Variants in MTFR1L observed in about 807,000 individuals in gnomAD.
The protein encoded by MTFR1L is mitochondrial fission regulator 1 like, also known as mitochondrial fission regulator 1-like.
In MTFR1L, 10 loss-of-function variants were observed where a neutral mutation model predicts 27.9. The observed-to-expected ratio is 0.36, with a 90% CI of 0.22 to 0.61. The LOEUF (loss-of-function observed/expected upper bound fraction) is 0.61, where lower values mean the gene tolerates loss of function less well. Among genes scored for constraint, MTFR1L ranks in the 20% least tolerant of loss-of-function variants. The pLI is 0.73. For missense variants in MTFR1L, 315 were observed against 363.7 expected (o/e 0.87, Z 1.09); for synonymous variants, 151 against 139.4 (o/e 1.08, Z -0.58).
intron 1 of MTFR1L, chr1:25,820,502 C>G (rs758313390): frequency 1.4e-4 from 51 of 359,496 alleles, no homozygotes; most frequent in South Asian, 1.1e-3. Flanking sequence ...GCCACTGCTG[C>G]GCGCGGCAAA....
Position 25,826,165 on chromosome 1 carries a change from A to C in MTFR1L, c.130-137A>C. ...TGGCCTCTGTTCAATGTTTTCGACC[A>C]GGAACCTTCTTCTGCCCCCTCTAGG... On this transcript the variant is annotated intron_variant, in intron 3 of 6. Coordinates refer to ENST00000374303, the MANE Select transcript of MTFR1L (RefSeq NM_001099625.2). The surrounding 1 kb of genome is among the most constrained non-coding windows in gnomAD (Gnocchi z 4.1). The C allele has an allele frequency of 1.5e-6, 1 of 667,412 alleles. No individual in the cohort carries two copies. Among genetic ancestry groups the C allele is most frequent in the South Asian group, 1.9e-5 (1 of 54,000 alleles). The allele number at this position is 667,412 out of a possible 1,614,324, so 41.3% of individuals were successfully genotyped here.
chr1:25,823,513 A>C, intron 2 of MTFR1L, 131 bp from the exon 3 acceptor site: 5 of 1,419,458 alleles, frequency 3.5e-6, no homozygotes, highest in Non-Finnish European at 4.9e-6. Context: ...TTGAGAGTTG[A>C]CTTGCCCCTA....
rs1157778828 is a variant in MTFR1L, at chr1:25,829,495, G to C, written c.452-14G>C. 2 of 1,609,736 alleles carry C rather than the reference G, an allele frequency of 1.2e-6. No individual in the cohort carries two copies. The highest frequency in any genetic ancestry group is 1.7e-6 in the Non-Finnish European group (2 of 1,177,400). ...GCCCCAATGTCCACCCATGCCTATT[G>C]TTTTCTCTTTCAGCTTCGGCTTCAT... On this transcript the variant is annotated splice_polypyrimidine_tract_variant and intron_variant, in intron 5 of 6. Coordinates refer to ENST00000374303, the MANE Select transcript of MTFR1L (RefSeq NM_001099625.2).
chr1:25,831,945 A>AGACCCG lies in MTFR1L; in HGVS notation c.803_804insGGACCC (p.Asp267_Pro268dup). On this transcript the variant is annotated inframe_insertion, in exon 7 of 7. Coordinates refer to ENST00000374303, the MANE Select transcript of MTFR1L (RefSeq NM_001099625.2). ...GGAACCGGAGTTTATTGAAGGAGGA[A>AGACCCG]GACCCTGCTGTGCTTATCTCTGAGG... 2 of 1,614,212 alleles carry AGACCCG rather than the reference A, an allele frequency of 1.2e-6. No homozygotes were observed. The highest frequency in any genetic ancestry group is 1.7e-6 in the Non-Finnish European group (2 of 1,180,022).
chr1:25,828,362 C>T (rs994608377), intron 5 of MTFR1L, among the ~76,000 whole-genome samples: 2 of 152,202 alleles, frequency 1.3e-5, no homozygotes, highest in Non-Finnish European at 2.9e-5. Context: ...GTGGGTGGAT[C>T]ACCTGAGGTC....
rs779528337 is a variant in MTFR1L, at chr1:25,823,041, C to T, written c.-64C>T. 9.9e-6 allele frequency: 16 copies of T among 1,613,874 alleles called. No individual in the cohort carries two copies. The highest frequency in any genetic ancestry group is 9.9e-5 in the South Asian group (9 of 91,078). On this transcript the variant is annotated 5_prime_UTR_variant, in exon 2 of 7. It adds an upstream start codon to the 5' untranslated region. Transcript: ENST00000374303. ...CAGATGGCCTGATATGAAGGAGTCACGCCTCCCGCCTCCCGGAGCTGCCCA... is the reference window on the plus strand; with the variant it reads ...CAGATGGCCTGATATGAAGGAGTCATGCCTCCCGCCTCCCGGAGCTGCCCA...
In MTFR1L at chr1:25,832,659, A is replaced by G. The variant is rs2048261739; in HGVS notation, c.*633A>G. 6.2e-6 allele frequency: 1 copy of G among 161,466 alleles called. No individual in the cohort carries two copies. The highest frequency in any genetic ancestry group is 1.7e-4 in the East Asian group (1 of 5,742). 10.0% of individuals were successfully genotyped at this position (161,466 alleles called of 1,614,324 possible). A position where few individuals can be genotyped will look rare whatever the true frequency, so the allele number is the denominator to read the frequency against. ...CACATTTTATATTACTGAACAACCA[A>G]ATCTACCCTCCACGGCCCTGAGGCC... On this transcript the variant is annotated 3_prime_UTR_variant, in exon 7 of 7. Transcript: ENST00000374303.
intron 6 of MTFR1L, among the ~76,000 whole-genome samples, 191 bp downstream of exon 6, chr1:25,830,021 G>C (rs988717656): frequency 1.3e-5 from 2 of 152,024 alleles, no homozygotes; most frequent in Non-Finnish European, 2.9e-5. Context: ...ACATTTATTG[G>C]GTTTGGTCAC....
intron 5 of MTFR1L, among the ~76,000 whole-genome samples, chr1:25,827,425 C>T (rs1209653619): frequency 1.3e-5 from 2 of 151,924 alleles, no homozygotes; most frequent in East Asian, 1.9e-4. Flanking sequence ...TGTGAGCCAC[C>T]GAGCCCAGCC....
intron 3 of MTFR1L, among the ~76,000 whole-genome samples, chr1:25,825,190 G>C (rs2048152006): frequency 6.6e-6 from 1 of 152,022 alleles, no homozygotes; most frequent in African/African-American, 2.4e-5. Flanking sequence ...ATCAATCCTG[G>C]ATCCATCTAC....
At position 25,823,068 on chromosome 1, in the gene MTFR1L, TG is replaced by T. The variant is rs1441722544; in HGVS notation, c.-35del. ...CCTCCCGCCTCCCGGAGCTGCCCAG[TG>T]GCTGCCTTGTCCTTCAAGTGCAGGA... On this transcript the variant is annotated 5_prime_UTR_variant, in exon 2 of 7. Coordinates refer to ENST00000374303, the MANE Select transcript of MTFR1L (RefSeq NM_001099625.2). The T allele has an allele frequency of 6.2e-7, 1 of 1,614,080 alleles. No homozygotes were observed. The highest frequency in any genetic ancestry group is 2.2e-5 in the East Asian group (1 of 44,888).
rs1466228624 is a variant in MTFR1L at position 25,826,733 on chromosome 1, C to G, written c.358C>G (p.Pro120Ala). ...GGAGAGGCTTCTGGCCCTGAAGAAG[C>G]CAGCTCTGCCAGCCCTAAGCCGCAC... ...SEERLLALKK[P>A]ALPALSRTTE... Residue 120 changes from proline (P) to alanine (A), a missense_variant, in exon 5 of 7, where the codon CCA (proline) becomes GCA (alanine). Coordinates refer to ENST00000374303, the MANE Select transcript of MTFR1L (RefSeq NM_001099625.2). This position sits in a 1 kb window ranked among gnomAD's most constrained non-coding sequence, Gnocchi z 4.1. 2 of 1,614,158 alleles carry G rather than the reference C, an allele frequency of 1.2e-6. No homozygotes were observed. The highest frequency in any genetic ancestry group is 2.2e-5 in the South Asian group (2 of 91,090).
At position 25,819,988 on chromosome 1, in the gene MTFR1L, G is replaced by T; in HGVS notation, c.-128G>T. 1 of 334,086 alleles carries T rather than the reference G, an allele frequency of 3.0e-6. No homozygotes were observed. The highest frequency in any genetic ancestry group is 4.4e-5 in the Admixed American group (1 of 22,968). 20.7% of individuals were successfully genotyped at this position (334,086 alleles called of 1,614,324 possible). On this transcript the variant is annotated 5_prime_UTR_variant, in exon 1 of 7. Transcript: ENST00000374303. ...GAGGCTGGGCGGCCCAAGGTGGAAGGAGGGGCCGTGAGGTGAGAGAGTCCG... is the reference window on the plus strand; with the variant it reads ...GAGGCTGGGCGGCCCAAGGTGGAAGTAGGGGCCGTGAGGTGAGAGAGTCCG...
intron 3 of MTFR1L, 41 bp downstream of exon 3, chr1:25,823,789 G>T: frequency 6.2e-7 from 1 of 1,605,018 alleles, no homozygotes; most frequent in Non-Finnish European, 8.5e-7. Flanking sequence ...GGCTCAGACA[G>T]TGCTGCTTCT....
rs1553122934 is a variant in MTFR1L at position 25,832,404 on chromosome 1, C to CA, written c.*379dup. ...CACAAGACACTTTGTGCCCAGCTGT[C>CA]ACTCACTCAGCAGCTTCCTTGCAGC... is the stretch of plus-strand genomic sequence containing the variant. On this transcript the variant is annotated 3_prime_UTR_variant, in exon 7 of 7. Transcript: ENST00000374303. 1 of 444,836 alleles carries CA rather than the reference C, an allele frequency of 2.2e-6. No individual in the cohort carries two copies. Among genetic ancestry groups the CA allele is most frequent in the African/African-American group, 4.1e-5 (1 of 24,442 alleles). The allele number at this position is 444,836 out of a possible 1,614,324, so 27.6% of individuals were successfully genotyped here.
Position 25,823,039 on chromosome 1 carries a change from C to T in MTFR1L, c.-66C>T. The stretch of plus-strand genomic sequence containing the variant: ...TCCAGATGGCCTGATATGAAGGAGT[C>T]ACGCCTCCCGCCTCCCGGAGCTGCC... On this transcript the variant is annotated 5_prime_UTR_variant, in exon 2 of 7. Transcript: ENST00000374303. 6.2e-7 allele frequency: 1 copy of T among 1,613,894 alleles called. No homozygotes were observed. Among genetic ancestry groups the T allele is most frequent in the South Asian group, 1.1e-5 (1 of 91,078 alleles).
chr1:25,820,948 A>G, intron 1 of MTFR1L: 1 of 301,610 alleles, frequency 3.3e-6, no homozygotes, highest in South Asian at 2.7e-5. Context: ...GCTCTGAGGA[A>G]TGATGAAGAA....
intron 2 of MTFR1L, 151 bp downstream of exon 2, chr1:25,823,279 C>A: frequency 1.2e-6 from 1 of 833,588 alleles, no homozygotes; most frequent in Non-Finnish European, 2.1e-6. Context: ...ACTCCCTCCC[C>A]CTAAGAAGAA....
intron 1 of MTFR1L, chr1:25,820,768 T>C (rs1216408281): frequency 2.3e-6 from 1 of 440,136 alleles, no homozygotes; most frequent in African/African-American, 2.1e-5. Context: ...ATTCGTTTAG[T>C]TCAGCGCGTT....
Sources: gnomAD v4.1 joint callset for allele counts (sites outside exome capture counted in the v4.1 genomes callset) on GRCh38, gnomAD v4.1.1 for gene constraint, Gnocchi (gnomAD v3.1) non-coding constraint, MANE v1.5 for transcripts, NCBI Gene and HGNC (gene_info 2026-07-23, HGNC 2026-07-21) for gene names.